Variants in IQCJ observed in about 807,000 individuals in gnomAD.
The protein encoded by IQCJ is IQ domain-containing protein J.
A neutral mutation model predicts 11.0 loss-of-function variants in IQCJ; 9 were observed. That is an observed-to-expected ratio of 0.82 (90% CI 0.49 to 1.43). The LOEUF (loss-of-function observed/expected upper bound fraction) is 1.43, where lower values mean the gene tolerates loss of function less well. IQCJ is among the 40% of genes most tolerant of loss of function. The pLI is 0.00. For synonymous variants in IQCJ, 55 were observed against 51.3 expected, an observed-to-expected ratio of 1.07 and a Z score of -0.31; for missense variants, 146 against 133.2, an observed-to-expected ratio of 1.10 and a Z score of -0.47.
intron 1 of IQCJ, among the ~76,000 whole-genome samples, chr3:159,102,663 T>A (rs1718007472): frequency 6.6e-6 from 1 of 152,210 alleles, no homozygotes; most frequent in African/African-American, 2.4e-5. Flanking sequence ...TGCAACACCA[T>A]TTTAAAAAAT....
At chr3:159,119,477 T>A (rs912853520) in intron 1 of IQCJ, among the ~76,000 whole-genome samples, 4 of 152,218 alleles carry the variant, frequency 2.6e-5, no homozygotes, top group African/African-American at 9.6e-5. Flanking sequence ...GGCCCATGCC[T>A]TTTTTAAGAT....
At chr3:159,239,346 T>C (rs1362474283) in intron 1 of IQCJ, among the ~76,000 whole-genome samples, 1 of 152,164 alleles carries the variant, frequency 6.6e-6, no homozygotes, top group African/African-American at 2.4e-5. Flanking sequence ...TTGAATAAAG[T>C]ACTGCATCAA....
chr3:159,153,274 C>T (rs1225597560), intron 1 of IQCJ, among the ~76,000 whole-genome samples: 1 of 152,166 alleles, frequency 6.6e-6, no homozygotes, highest in African/African-American at 2.4e-5. Flanking sequence ...GATTAAGAAA[C>T]TTTCCTGTAG....
intron 1 of IQCJ, among the ~76,000 whole-genome samples, chr3:159,242,282 G>A (rs866164479): frequency 1.3e-5 from 2 of 151,954 alleles, no homozygotes; most frequent in African/African-American, 4.8e-5. Flanking sequence ...GAATTATGAA[G>A]AAGAAAACAT....
At chr3:159,106,685 A>G (rs1426876545) in intron 1 of IQCJ, among the ~76,000 whole-genome samples, 1 of 152,148 alleles carries the variant, frequency 6.6e-6, no homozygotes. Context: ...AACACTATCT[A>G]CGTAGAGTTA....
At chr3:159,193,940 T>C (rs1414090078) in intron 1 of IQCJ, among the ~76,000 whole-genome samples, 2 of 152,216 alleles carry the variant, frequency 1.3e-5, no homozygotes, top group African/African-American at 2.4e-5. Flanking sequence ...TGATGACAGA[T>C]GCTGACTTAC....
chr3:159,223,219 A>G (rs1402787441), intron 1 of IQCJ, among the ~76,000 whole-genome samples: 1 of 152,148 alleles, frequency 6.6e-6, no homozygotes, highest in Non-Finnish European at 1.5e-5. Flanking sequence ...GAGAGATGTG[A>G]GCCTATGAAG....
At chr3:159,222,019 A>G (rs1022362700) in intron 1 of IQCJ, among the ~76,000 whole-genome samples, 7 of 152,142 alleles carry the variant, frequency 4.6e-5, no homozygotes, top group Admixed American at 3.3e-4. Flanking sequence ...AAGATCCAAC[A>G]TATTCAATCC....
At position 159,262,723 on chromosome 3, in the gene IQCJ, T is replaced by C; in HGVS notation, c.331T>C (p.Phe111Leu). ...MFLFLCPDLT[F>L]N ...TCTTTTTCTATGTCCTGACTTGACA[T>C]TCAACTGAAAGCCTAGACTTTGGTT... The change falls in exon 4 of 4, where the codon TTC becomes CTC. Residue 111 changes from phenylalanine to leucine, a missense_variant. Physicochemically the swap from Phe to Leu is conservative, Grantham distance 22. Coordinates refer to ENST00000397832, the MANE Select transcript of IQCJ (RefSeq NM_001042706.3). 6.2e-7 allele frequency: 1 copy of C among 1,613,178 alleles called. No homozygotes were observed. The highest frequency in any genetic ancestry group is 2.2e-5 in the East Asian group (1 of 44,864).
chr3:159,241,725 A>G (rs1275752119), intron 1 of IQCJ, among the ~76,000 whole-genome samples: 1 of 152,176 alleles, frequency 6.6e-6, no homozygotes, highest in African/African-American at 2.4e-5. Flanking sequence ...TAAATAATTA[A>G]CATTGGTTGA....
intron 1 of IQCJ, among the ~76,000 whole-genome samples, chr3:159,131,466 C>G (rs1719984265): frequency 1.3e-5 from 2 of 152,172 alleles, no homozygotes; most frequent in African/African-American, 4.8e-5. Flanking sequence ...GGGAAAGAAG[C>G]TGGGGCACTT....
chr3:159,143,045 G>A (rs747165372), intron 1 of IQCJ, among the ~76,000 whole-genome samples: 1 of 152,164 alleles, frequency 6.6e-6, no homozygotes, highest in Non-Finnish European at 1.5e-5. Flanking sequence ...ACTGCTTTGT[G>A]TATGTTGCTG....
At chr3:159,101,218 TGCTTCGGCTC>T (rs1717880135) in intron 1 of IQCJ, among the ~76,000 whole-genome samples, 1 of 148,772 alleles carries the variant, frequency 6.7e-6, no homozygotes, top group Non-Finnish European at 1.5e-5. Context: ...TGCCTCGCCC[TGCTTCGGCTC>T]GCGCACGGTG....
intron 1 of IQCJ, among the ~76,000 whole-genome samples, chr3:159,161,963 G>C (rs921290817): frequency 2.0e-5 from 3 of 152,190 alleles, no homozygotes; most frequent in Non-Finnish European, 2.9e-5. Context: ...GTCAGGTAGC[G>C]TGATGCCTCC....
chr3:159,213,881 C>G (rs1256067471), intron 1 of IQCJ, among the ~76,000 whole-genome samples: 1 of 152,128 alleles, frequency 6.6e-6, no homozygotes, highest in Non-Finnish European at 1.5e-5. Flanking sequence ...AAGTTGACTT[C>G]TGTGACCCCA....
chr3:159,091,354 C>G (rs1717268163), intron 1 of IQCJ, among the ~76,000 whole-genome samples: 1 of 151,716 alleles, frequency 6.6e-6, no homozygotes, highest in Admixed American at 6.6e-5. Context: ...TGTGAGGACC[C>G]TCTTCTAGGT....
intron 1 of IQCJ, among the ~76,000 whole-genome samples, chr3:159,209,310 G>A (rs1297789918): frequency 6.6e-6 from 1 of 152,132 alleles, no homozygotes; most frequent in African/African-American, 2.4e-5. Flanking sequence ...GCCAGAGATG[G>A]CTGGGCTTCA....
In IQCJ at chr3:159,245,863, G is replaced by A; in HGVS notation, c.30G>A (p.Gln10=). MRLEELKRL[Q]NPLEQVNDGK... Reference sequence around the variant, plus strand: ...CACAGGAAGAACTGAAAAGATTGCAGAATCCTCTAGAACAAGTTAATGATG... The same window carrying A: ...CACAGGAAGAACTGAAAAGATTGCAAAATCCTCTAGAACAAGTTAATGATG... Residue 10 remains glutamine, a synonymous_variant, in exon 2 of 4, where the codon CAG becomes CAA. Coordinates refer to ENST00000397832, the MANE Select transcript of IQCJ (RefSeq NM_001042706.3). The A allele has an allele frequency of 1.3e-6, 2 of 1,547,034 alleles. No individual in the cohort carries two copies. Among genetic ancestry groups the A allele is most frequent in the South Asian group, 1.2e-5 (1 of 83,950 alleles).
At chr3:159,227,116 C>A (rs1725903661) in intron 1 of IQCJ, among the ~76,000 whole-genome samples, 1 of 152,060 alleles carries the variant, frequency 6.6e-6, no homozygotes, top group African/African-American at 2.4e-5. Context: ...TCCAAATGAT[C>A]CAGGTTTAAG....
Sources: gnomAD v4.1 joint callset for allele counts (sites outside exome capture counted in the v4.1 genomes callset) on GRCh38, gnomAD v4.1.1 for gene constraint, MANE v1.5 for transcripts, NCBI Gene and HGNC (gene_info 2026-07-23, HGNC 2026-07-21) for gene names.